Variants in HSP90AA1 observed in about 807,000 individuals in gnomAD.
HSP90AA1 encodes heat shock protein 90 alpha family class A member 1.
In HSP90AA1, 18 loss-of-function variants were observed where a neutral mutation model predicts 73.3. That is an observed-to-expected ratio of 0.25 (90% CI 0.17 to 0.36). HSP90AA1 has a LOEUF of 0.36. Ranked by LOEUF, HSP90AA1 falls within the 10% of genes least tolerant of loss-of-function variation. The pLI is 1.00. For missense variants in HSP90AA1, 704 were observed against 874.2 expected, an observed-to-expected ratio of 0.81 and a Z score of 2.45; for synonymous variants, 477 against 296.9, an observed-to-expected ratio of 1.61 and a Z score of -6.24.
rs755571734 is a variant in HSP90AA1 at position 102,083,682 on chromosome 14, G to A, written c.1350C>T (p.His450=). The A allele has an allele frequency of 8.7e-6, 14 of 1,609,720 alleles. No homozygotes were observed. The highest frequency in any genetic ancestry group is 4.5e-5 in the East Asian group (2 of 44,800). Residue 450 remains histidine (H), a synonymous_variant, in exon 8 of 11, where the codon CAC becomes CAT. Transcript: ENST00000216281. ...GCTTCTTCCGATTTTGAGAGTCTTC[G>A]TGTATTCCAAGCTGAAACAAAGTAT... is the stretch of plus-strand genomic sequence containing the variant. ...QFSKNIKLGI[H]EDSQNRKKLS...
At chr14:102,101,573 A>G (rs1440309456) in intron 2 of HSP90AA1, among the ~76,000 whole-genome samples, 2 of 152,182 alleles carry the variant, frequency 1.3e-5, no homozygotes, top group Admixed American at 6.5e-5. Flanking sequence ...TGGGAGCCCA[A>G]GGGATTGGAT....
intron 1 of HSP90AA1, among the ~76,000 whole-genome samples, chr14:102,114,141 T>C (rs1475921161): frequency 6.6e-6 from 1 of 152,058 alleles, no homozygotes; most frequent in Non-Finnish European, 1.5e-5. Flanking sequence ...AGGCGTGCGC[T>C]AGCACACTGG....
At chr14:102,121,012 C>G (rs1385809669) in intron 1 of HSP90AA1, among the ~76,000 whole-genome samples, 1 of 146,252 alleles carries the variant, frequency 6.8e-6, no homozygotes, top group Non-Finnish European at 1.5e-5. Flanking sequence ...CACACACACA[C>G]ACACACACAT....
At chr14:102,082,698 G>A in intron 9 of HSP90AA1, 1 of 526,044 alleles carries the variant, frequency 1.9e-6, no homozygotes, top group East Asian at 3.5e-5. Context: ...TTGGCTCACT[G>A]CAACCTCCGC....
Position 102,082,334 on chromosome 14 carries a change from G to C in HSP90AA1, c.1866C>G (p.Asn622Lys). The C allele has an allele frequency of 6.2e-7, 1 of 1,613,968 alleles. No homozygotes were observed. Among genetic ancestry groups the C allele is most frequent in the Admixed American group, 1.7e-5 (1 of 60,006 alleles). ...RIMKAQALRDNSTMGYMAAKK... is the reference protein window; with the variant it reads ...RIMKAQALRDKSTMGYMAAKK... ...TTGCTGCCATGTAACCCATTGTTGA[G>C]TTGTCTCTTAGGGCTTGAGCTTTCA... Residue 622 changes from asparagine to lysine, a missense_variant, in exon 10 of 11, where the codon AAC (asparagine) becomes AAG (lysine). Physicochemically the swap from Asn to Lys is moderately conservative, Grantham distance 94. Coordinates refer to ENST00000216281, the MANE Select transcript of HSP90AA1 (RefSeq NM_005348.4).
chr14:102,139,409 G>C, exon 1 of HSP90AA1: 4 of 1,554,006 alleles, frequency 2.6e-6, no homozygotes, highest in Non-Finnish European at 2.6e-6. Context: ...GGGCATCCGC[G>C]CTCCCCGTAG....
chr14:102,090,541 C>G (rs1055555381), upstream of HSP90AA1, among the ~76,000 whole-genome samples: 2 of 152,122 alleles, frequency 1.3e-5, no homozygotes. Context: ...GCTCCGCCTC[C>G]CGGGTTCACG....
chr14:102,134,596 G>A (rs140989880), intron 1 of HSP90AA1, among the ~76,000 whole-genome samples: 5,231 of 152,094 alleles, frequency 0.034, 247 homozygotes, highest in African/African-American at 0.1. Context: ...ACTGGCTCAG[G>A]AGTGAAGCTG....
rs1167527908 is a variant in HSP90AA1 at position 102,085,008 on chromosome 14, A to G, written c.664-10T>C. ...CACGTTCCTTCTCCACCTTCAAAAG[A>G]AAACACGAAATCACATCACTGCTGC... is the stretch of plus-strand genomic sequence containing the variant. On this transcript the variant is annotated splice_polypyrimidine_tract_variant and intron_variant, in intron 4 of 10. Coordinates refer to ENST00000216281, the MANE Select transcript of HSP90AA1 (RefSeq NM_005348.4). 30 of 1,613,856 alleles carry G rather than the reference A, an allele frequency of 1.9e-5. No individual in the cohort carries two copies. The highest frequency in any genetic ancestry group is 6.7e-5 in the East Asian group (3 of 44,894).
chr14:102,132,607 A>G (rs1490773725), intron 1 of HSP90AA1, among the ~76,000 whole-genome samples: 1 of 152,194 alleles, frequency 6.6e-6, no homozygotes, highest in Non-Finnish European at 1.5e-5. Flanking sequence ...GGTTATTCCT[A>G]CGCTTAAGTG....
chr14:102,133,628 C>CAT (rs2049937547), intron 1 of HSP90AA1, among the ~76,000 whole-genome samples: 1 of 151,850 alleles, frequency 6.6e-6, no homozygotes, highest in Admixed American at 6.6e-5. Context: ...GGATTACAGG[C>CAT]ATATGGCACC....
chr14:102,114,750 G>T (rs553055747), intron 1 of HSP90AA1, among the ~76,000 whole-genome samples: 1 of 151,946 alleles, frequency 6.6e-6, no homozygotes, highest in Non-Finnish European at 1.5e-5. Flanking sequence ...CTGTAATCCC[G>T]GCACTTTGGG....
rs189791627 is a variant in HSP90AA1 at position 102,080,866 on chromosome 14, G to A, written c.*846C>T. ...GGGGATGCATGTTGTCTGCATTCCT[G>A]TTTTCTGTGCCTACGTGTGCTCCAC... On this transcript the variant is annotated 3_prime_UTR_variant, in exon 11 of 11. Coordinates refer to ENST00000216281, the MANE Select transcript of HSP90AA1 (RefSeq NM_005348.4). The A allele has an allele frequency of 5.2e-3, 1,185 of 228,496 alleles. 7 individuals carry two copies. Among genetic ancestry groups the A allele is most frequent in the Admixed American group, 7.4e-3 (130 of 17,626 alleles). The allele number at this position is 228,496 out of a possible 1,614,324, so 14.2% of individuals were successfully genotyped here.
At chr14:102,087,951 CTTTTTTTTTTTTTT>C (rs2049289398), upstream of HSP90AA1, among the ~76,000 whole-genome samples, 1 of 92,992 alleles carries the variant, frequency 1.1e-5, no homozygotes, top group Non-Finnish European at 1.9e-5. Context: ...TTTTTTTTTT[CTTTTTTTTTTTTTT>C]GGACAGGCTC....
At chr14:102,101,881 C>T (rs747142553) in exon 2 of HSP90AA1, 2 of 1,611,636 alleles carry the variant, frequency 1.2e-6, no homozygotes, top group Non-Finnish European at 1.7e-6. Context: ...TTACCAGTAG[C>T]CTAAGCAATA....
chr14:102,114,730 CGG>C, intron 1 of HSP90AA1, among the ~76,000 whole-genome samples: 1 of 152,164 alleles, frequency 6.6e-6, no homozygotes, highest in South Asian at 2.1e-4. Context: ...AGGCCGGACC[CGG>C]TTGCTGACTG....
chr14:102,083,277 G>A lies in HSP90AA1; in HGVS notation c.1512C>T (p.Asn504=), dbSNP rs759576343. ...TCCGAAGACGTTCCACAAAGGCTGA[G>A]TTAGCTACCTGGTCCTTGGTCTCAC... ...ITGETKDQVA[N]SAFVERLRKH... Residue 504 remains asparagine (N), a synonymous_variant, in exon 9 of 11, where the codon AAC becomes AAT. Transcript: ENST00000216281. 2.5e-6 allele frequency: 4 copies of A among 1,614,160 alleles called. No homozygotes were observed. Among genetic ancestry groups the A allele is most frequent in the Middle Eastern group, 1.6e-4 (1 of 6,062 alleles).
At chr14:102,090,046 A>G (rs1454824541), upstream of HSP90AA1, among the ~76,000 whole-genome samples, 1 of 152,052 alleles carries the variant, frequency 6.6e-6, no homozygotes, top group Non-Finnish European at 1.5e-5. Context: ...TAGGAGGAAG[A>G]CAGAGCTCTT....
intron 1 of HSP90AA1, chr14:102,102,116 C>T: frequency 3.8e-6 from 6 of 1,581,810 alleles, no homozygotes; most frequent in Non-Finnish European, 5.2e-6. Context: ...TTCTGGACTT[C>T]CAAACCAAAC....
Sources: allele counts gnomAD v4.1 joint callset (sites outside exome capture counted in the v4.1 genomes callset), GRCh38; gene constraint gnomAD v4.1.1; transcripts MANE v1.5; gene names NCBI Gene and HGNC (gene_info 2026-07-23, HGNC 2026-07-21).